Variants in SMAD2 observed in about 807,000 individuals in gnomAD.
SMAD2 encodes the protein SMAD family member 2.
SMAD2 carries 8 observed loss-of-function variants against 64.4 expected under a neutral mutation model. That is an observed-to-expected ratio of 0.12 (90% CI 0.07 to 0.22). The LOEUF (loss-of-function observed/expected upper bound fraction) is 0.22. Ranked by LOEUF, SMAD2 falls within the 10% of genes least tolerant of loss-of-function variation. The pLI, the probability that SMAD2 is intolerant of heterozygous loss-of-function variation, is 1.00. For synonymous variants in SMAD2, 203 were observed against 195.8 expected (o/e 1.04, Z -0.31); for missense variants, 289 against 561.2 (o/e 0.51, Z 4.90).
intron 10 of SMAD2, among the ~76,000 whole-genome samples, chr18:47,844,431 C>A (rs895206630): frequency 4.6e-5 from 7 of 152,138 alleles, no homozygotes; most frequent in African/African-American, 1.7e-4. Flanking sequence ...TACTTAATTC[C>A]TACTCTTAAA....
intron 8 of SMAD2, 114 bp from the exon 9 acceptor site, chr18:47,845,914 T>C (rs1175221689): frequency 7.8e-6 from 7 of 902,866 alleles, no homozygotes; most frequent in Non-Finnish European, 1.3e-5. Flanking sequence ...CAGGATCTTT[T>C]TCACAGATAA....
intron 7 of SMAD2, 113 bp from the exon 8 acceptor site, chr18:47,848,800 C>T (rs962474792): frequency 2.6e-6 from 2 of 755,110 alleles, no homozygotes; most frequent in Non-Finnish European, 4.4e-6. Context: ...CCTGCACTGG[C>T]AAAAGCTCAG....
chr18:47,854,832 G>A (rs1464258567), intron 6 of SMAD2, among the ~76,000 whole-genome samples: 1 of 152,028 alleles, frequency 6.6e-6, no homozygotes, highest in Non-Finnish European at 1.5e-5. Flanking sequence ...TGGTCCATTT[G>A]TTATAATAAT....
chr18:47,904,657 G>A (rs1242611601), intron 1 of SMAD2, among the ~76,000 whole-genome samples: 2 of 152,046 alleles, frequency 1.3e-5, no homozygotes, highest in South Asian at 2.1e-4. Flanking sequence ...ATCACATCCA[G>A]CAACATAATA....
At chr18:47,846,816 A>C (rs1914540273) in intron 8 of SMAD2, among the ~76,000 whole-genome samples, 1 of 152,136 alleles carries the variant, frequency 6.6e-6, no homozygotes, top group African/African-American at 2.4e-5. Context: ...ACCCACAGAA[A>C]CCGTGAGGTA....
rs1568049044 is a variant in SMAD2, at chr18:47,855,430, TC to T, written c.731-4104del. ...AGAATATAGTTAGTTTTGTGAGAAA[TC>T]ACCAAACTGTCTTCCAAAGTGGCTA... On this transcript the variant is annotated intron_variant, in intron 6 of 10. Transcript: ENST00000262160. Among the ~76,000 whole-genome samples the T allele has an allele frequency of 7.2e-5, 11 of 152,250 alleles. 1 individual carries two copies. In the South Asian group the frequency reaches 2.3e-3, roughly 32 times the overall value.
intron 2 of SMAD2, among the ~76,000 whole-genome samples, chr18:47,885,018 C>T (rs986912732): frequency 1.3e-5 from 2 of 152,098 alleles, no homozygotes; most frequent in Non-Finnish European, 2.9e-5. Flanking sequence ...TGAAGTATTT[C>T]AAGCCCTTCC....
chr18:47,922,439 T>C (rs1191159184), intron 1 of SMAD2: 1 of 152,224 alleles, frequency 6.6e-6, no homozygotes, highest in East Asian at 1.9e-4. Flanking sequence ...TTTCTCATCA[T>C]TTCTAAAACA....
At position 47,827,911 on chromosome 18, in the gene SMAD2, G is replaced by T. The variant is rs1002926667; in HGVS notation, c.*13916C>A. On this transcript the variant is annotated 3_prime_UTR_variant, in exon 11 of 11. Coordinates refer to ENST00000262160, the MANE Select transcript of SMAD2 (RefSeq NM_005901.6). The stretch of plus-strand genomic sequence containing the variant: ...TCTGCCCGGCCGCCACCCCGTCTGG[G>T]AAGTGAGGAGCATCTCTGCCTGGCT... The T allele has an allele frequency of 1.1e-5, 2 of 182,386 alleles. No homozygotes were observed. Among genetic ancestry groups the T allele is most frequent in the African/African-American group, 4.8e-5 (2 of 41,814 alleles). 11.3% of individuals were successfully genotyped at this position (182,386 alleles called of 1,614,324 possible). A position where few individuals can be genotyped will look rare whatever the true frequency, so the allele number is the denominator to read the frequency against.
At chr18:47,862,579 C>T (rs2031267638) in intron 6 of SMAD2, among the ~76,000 whole-genome samples, 1 of 152,202 alleles carries the variant, frequency 6.6e-6, no homozygotes, top group Non-Finnish European at 1.5e-5. Context: ...TAGGGCCCAT[C>T]GTACTTCAGT....
chr18:47,929,099 T>A (rs1330415328), intron 1 of SMAD2, among the ~76,000 whole-genome samples: 2 of 152,234 alleles, frequency 1.3e-5, no homozygotes, highest in African/African-American at 2.4e-5. Flanking sequence ...GCAAATTTTT[T>A]AAATACCCTC....
Position 47,811,452 on chromosome 18 carries a change from AGAGC to A in SMAD2, c.*30371_*30374del, listed in dbSNP as rs1215326996. On this transcript the variant is annotated 3_prime_UTR_variant, in exon 11 of 11. Transcript: ENST00000262160. ...GCCACTGCACTCCAGCCTGGGCGAC[AGAGC>A]GAGACCTCGTCTCAAAAAAAAAAAA... The A allele has an allele frequency of 6.8e-6, 1 of 146,080 alleles. No individual in the cohort carries two copies. Among genetic ancestry groups the A allele is most frequent in the Non-Finnish European group, 1.5e-5 (1 of 66,990 alleles). 9.0% of individuals were successfully genotyped at this position (146,080 alleles called of 1,614,324 possible). A position where few individuals can be genotyped will look rare whatever the true frequency, so the allele number is the denominator to read the frequency against.
rs1316617206 is a variant in SMAD2, at chr18:47,838,670, TTC to T, written c.*3155_*3156del. On this transcript the variant is annotated 3_prime_UTR_variant, in exon 11 of 11. Transcript: ENST00000262160. The stretch of plus-strand genomic sequence containing the variant: ...TCGTTGACCAGTGGTTATAAAGACT[TTC>T]TGAGCTTCTTTTTAAAGCAATGAAA... 5 of 232,874 alleles carry T rather than the reference TTC, an allele frequency of 2.1e-5. No homozygotes were observed. Among genetic ancestry groups the T allele is most frequent in the Admixed American group, 1.7e-4 (3 of 17,782 alleles). The allele number at this position is 232,874 out of a possible 1,614,324, so 14.4% of individuals were successfully genotyped here.
intron 10 of SMAD2, 190 bp downstream of exon 10, chr18:47,845,150 T>A (rs1386958917): frequency 3.0e-6 from 2 of 665,784 alleles, no homozygotes; most frequent in Admixed American, 2.4e-5. Context: ...TGTTTTAATA[T>A]CTTCCATAAT....
intron 6 of SMAD2, among the ~76,000 whole-genome samples, chr18:47,862,979 A>C (rs1028765755): frequency 6.6e-6 from 1 of 151,628 alleles, no homozygotes; most frequent in East Asian, 1.9e-4. Context: ...TGACCAGCAA[A>C]ATCTAAATCA....
chr18:47,836,994 A>G lies in SMAD2; in HGVS notation c.*4833T>C, dbSNP rs1913474001. The G allele has an allele frequency of 9.4e-6, 2 of 212,790 alleles. No homozygotes were observed. Among genetic ancestry groups the G allele is most frequent in the African/African-American group, 2.3e-5 (1 of 44,244 alleles). The allele number at this position is 212,790 out of a possible 1,614,324, so 13.2% of individuals were successfully genotyped here. ...TTATTCTGACTGTCTTAAATACAAC[A>G]ATCCAATATGCCCCAAGATGGAAAT... On this transcript the variant is annotated 3_prime_UTR_variant, in exon 11 of 11. Coordinates refer to ENST00000262160, the MANE Select transcript of SMAD2 (RefSeq NM_005901.6).
rs930984151 is a variant in SMAD2 at position 47,841,363 on chromosome 18, A to C, written c.*464T>G. On this transcript the variant is annotated 3_prime_UTR_variant, in exon 11 of 11. Coordinates refer to ENST00000262160, the MANE Select transcript of SMAD2 (RefSeq NM_005901.6). ...ATATTATATATTAAAAAAGACACAC[A>C]AAAATAACAGAGAAGTGGGAATAAC... 9.7e-5 allele frequency: 23 copies of C among 238,298 alleles called. No homozygotes were observed. Among genetic ancestry groups the C allele is most frequent in the Non-Finnish European group, 1.7e-4 (21 of 120,466 alleles). 14.8% of individuals were successfully genotyped at this position (238,298 alleles called of 1,614,324 possible). A position where few individuals can be genotyped will look rare whatever the true frequency, so the allele number is the denominator to read the frequency against.
Position 47,834,653 on chromosome 18 carries a change from T to C in SMAD2, c.*7174A>G, listed in dbSNP as rs1049444195. 15 of 171,770 alleles carry C rather than the reference T, an allele frequency of 8.7e-5. No homozygotes were observed. Among genetic ancestry groups the C allele is most frequent in the African/African-American group, 3.7e-4 (13 of 35,214 alleles). The allele number at this position is 171,770 out of a possible 1,614,324, so 10.6% of individuals were successfully genotyped here. A position where few individuals can be genotyped will look rare whatever the true frequency, so the allele number is the denominator to read the frequency against. ...AGGAAGTCCAGAAATACCTTAAACG[T>C]GTTAACTTTAAGAAGAGTTGGTAGT... is the stretch of plus-strand genomic sequence containing the variant. On this transcript the variant is annotated 3_prime_UTR_variant, in exon 11 of 11. Transcript: ENST00000262160.
In SMAD2 at chr18:47,828,495, G is replaced by A. The variant is rs2144247970; in HGVS notation, c.*13332C>T. The A allele has an allele frequency of 5.9e-6, 1 of 170,204 alleles. No individual in the cohort carries two copies. The highest frequency in any genetic ancestry group is 2.4e-5 in the African/African-American group (1 of 41,824). 10.5% of individuals were successfully genotyped at this position (170,204 alleles called of 1,614,324 possible). A position where few individuals can be genotyped will look rare whatever the true frequency, so the allele number is the denominator to read the frequency against. ...TGGCGGTTTTGTCGAATAGAAAAGG[G>A]GGAAATGTGGGGAAAGGAAAGAGAG... On this transcript the variant is annotated 3_prime_UTR_variant, in exon 11 of 11. Transcript: ENST00000262160.
Sources: gnomAD v4.1 joint callset for allele counts (sites outside exome capture counted in the v4.1 genomes callset) on GRCh38, gnomAD v4.1.1 for gene constraint, MANE v1.5 for transcripts, NCBI Gene and HGNC (gene_info 2026-07-23, HGNC 2026-07-21) for gene names.